Variants in EPHB1 observed in about 807,000 individuals in gnomAD.
EPHB1 encodes the protein ephrin type-B receptor 1.
In EPHB1, 30 loss-of-function variants were observed where a neutral mutation model predicts 94.4. The ratio of observed to expected loss-of-function variants is 0.32; its 90% CI spans 0.24 to 0.43. The LOEUF is 0.43. EPHB1 is among the 20% of genes least tolerant of loss of function. EPHB1 has a pLI of 1.00. For missense variants in EPHB1, 1,055 were observed against 1,308.3 expected, an observed-to-expected ratio of 0.81 and a Z score of 2.99; for synonymous variants, 522 against 489.1, an observed-to-expected ratio of 1.07 and a Z score of -0.89.
intron 3 of EPHB1, among the ~76,000 whole-genome samples, chr3:135,051,999 T>C (rs1937183429): frequency 6.6e-6 from 1 of 152,234 alleles, no homozygotes; most frequent in Non-Finnish European, 1.5e-5. Context: ...TCTACTTCTG[T>C]AGGTCAATTA....
At chr3:135,006,988 T>C (rs534076365) in intron 3 of EPHB1, among the ~76,000 whole-genome samples, 9 of 152,334 alleles carry the variant, frequency 5.9e-5, no homozygotes, top group African/African-American at 1.9e-4. Context: ...GCTATGTGAA[T>C]GGAGGTGAGA....
At chr3:135,198,574 T>C (rs60547088) in intron 11 of EPHB1, among the ~76,000 whole-genome samples, 3,647 of 152,172 alleles carry the variant, frequency 0.024, 161 homozygotes, top group African/African-American at 0.083. Context: ...CCAAGGACAA[T>C]GATCCCAGGA....
intron 1 of EPHB1, among the ~76,000 whole-genome samples, chr3:134,876,437 A>G (rs1406725092): frequency 2.0e-5 from 3 of 152,220 alleles, no homozygotes; most frequent in Non-Finnish European, 4.4e-5. Context: ...TGAAAAAAAT[A>G]CATACTTTCT....
chr3:135,068,510 ATTG>A (rs960147186), intron 3 of EPHB1, among the ~76,000 whole-genome samples: 6 of 151,032 alleles, frequency 4.0e-5, no homozygotes, highest in African/African-American at 7.3e-5. Context: ...TTGTTTTTTT[ATTG>A]TTGTTGTAAG....
chr3:135,030,994 C>T (rs577901293), intron 3 of EPHB1, among the ~76,000 whole-genome samples: 5 of 152,274 alleles, frequency 3.3e-5, no homozygotes, highest in African/African-American at 7.2e-5. Flanking sequence ...CTCCAGGTGC[C>T]GTCCATCACC....
At chr3:134,812,196 A>G (rs548240454) in intron 1 of EPHB1, among the ~76,000 whole-genome samples, 8 of 152,334 alleles carry the variant, frequency 5.3e-5, no homozygotes, top group East Asian at 1.9e-4. Context: ...GGTTTCACAA[A>G]TGAGTGTGGT....
chr3:134,857,196 A>C (rs898288076), intron 1 of EPHB1, among the ~76,000 whole-genome samples: 1 of 152,174 alleles, frequency 6.6e-6, no homozygotes, highest in African/African-American at 2.4e-5. Flanking sequence ...TGCTGACCCC[A>C]CAGCCAGCAT....
chr3:135,192,781 C>G lies in EPHB1; in HGVS notation c.2088C>G (p.Ile696Met), dbSNP rs778046911. The G allele has an allele frequency of 6.2e-7, 1 of 1,614,156 alleles. No homozygotes were observed. The highest frequency in any genetic ancestry group is 8.5e-7 in the Non-Finnish European group (1 of 1,180,014). Residue 696 changes from isoleucine (I) to methionine (M), a missense_variant, in exon 11 of 16, where the codon ATC becomes ATG. Physicochemically the swap from Ile to Met is conservative, Grantham distance 10 (BLOSUM62 1). Coordinates refer to ENST00000398015, the MANE Select transcript of EPHB1 (RefSeq NM_004441.5). ...CCAAGAGTCGGCCTGTCATGATCAT[C>G]ACAGAGTTCATGGAGAATGGTGCAT... Reference protein sequence around the residue: ...VVTKSRPVMIITEFMENGALD... With the variant: ...VVTKSRPVMIMTEFMENGALD...
chr3:135,034,317 C>T (rs1253005722), intron 3 of EPHB1, among the ~76,000 whole-genome samples: 1 of 152,106 alleles, frequency 6.6e-6, no homozygotes, highest in Non-Finnish European at 1.5e-5. Flanking sequence ...CTTCATGGTC[C>T]ACTGGAGATA....
chr3:134,882,527 A>T (rs2037753678), intron 1 of EPHB1, among the ~76,000 whole-genome samples: 1 of 152,236 alleles, frequency 6.6e-6, no homozygotes, highest in Admixed American at 6.5e-5. Context: ...AAAATTCCCA[A>T]TTATGAAGCA....
intron 4 of EPHB1, among the ~76,000 whole-genome samples, chr3:135,111,286 C>T (rs368193151): frequency 5.3e-5 from 8 of 152,338 alleles, no homozygotes; most frequent in Admixed American, 5.2e-4. Flanking sequence ...AACCCGGAGC[C>T]ACTGAATGAG....
chr3:135,248,137 A>G (rs1943972405), intron 13 of EPHB1, among the ~76,000 whole-genome samples, 179 bp from the exon 14 acceptor site: 1 of 152,210 alleles, frequency 6.6e-6, no homozygotes. Context: ...TAGGAGCCCA[A>G]TGTCTAGGGG....
At chr3:135,053,492 A>C (rs1254463160) in intron 3 of EPHB1, among the ~76,000 whole-genome samples, 1 of 152,190 alleles carries the variant, frequency 6.6e-6, no homozygotes, top group East Asian at 1.9e-4. Flanking sequence ...AAGGATCAGG[A>C]TGTAACAGTG....
chr3:135,232,420 C>G (rs937735058), intron 12 of EPHB1, among the ~76,000 whole-genome samples: 1 of 152,194 alleles, frequency 6.6e-6, no homozygotes, highest in African/African-American at 2.4e-5. Flanking sequence ...TGCACAGACC[C>G]TCACTCGCAA....
intron 3 of EPHB1, among the ~76,000 whole-genome samples, chr3:135,039,358 G>C (rs1167227669): frequency 6.6e-6 from 1 of 152,244 alleles, no homozygotes; most frequent in Non-Finnish European, 1.5e-5. Flanking sequence ...AGCCCAGCTG[G>C]CTTCACCTAG....
In EPHB1 at chr3:134,868,467, G is replaced by A. The variant is rs535342771; in HGVS notation, c.59-57349G>A. 7.9e-5 allele frequency among the ~76,000 whole-genome samples: 12 copies of A among 152,284 alleles called. No homozygotes were observed. In the South Asian group the frequency reaches 2.5e-3, roughly 32 times the overall value. On this transcript the variant is annotated intron_variant, in intron 1 of 15. Coordinates refer to ENST00000398015, the MANE Select transcript of EPHB1 (RefSeq NM_004441.5). Reference sequence around the variant, plus strand: ...GAGGATCTTATGTTCTTCCAAGAAGGAAAATTGATTTGGAAGGTAAAATGG... The same window carrying A: ...GAGGATCTTATGTTCTTCCAAGAAGAAAAATTGATTTGGAAGGTAAAATGG...
intron 1 of EPHB1, among the ~76,000 whole-genome samples, chr3:134,837,002 A>T (rs1578125933): frequency 6.6e-6 from 1 of 152,240 alleles, no homozygotes; most frequent in East Asian, 1.9e-4. Flanking sequence ...ATGACATTTT[A>T]AAATTATGCA....
chr3:134,865,086 G>T (rs544243126), intron 1 of EPHB1, among the ~76,000 whole-genome samples: 1 of 152,066 alleles, frequency 6.6e-6, no homozygotes, highest in Admixed American at 6.5e-5. Flanking sequence ...GTGTGTGTGT[G>T]CATGTGTGTG....
At position 135,192,681 on chromosome 3, in the gene EPHB1, G is replaced by A. The variant is rs749562219; in HGVS notation, c.1988G>A (p.Arg663Gln). The change falls in exon 11 of 16, where the codon CGG (arginine) becomes CAG (glutamine). Residue 663 changes from arginine to glutamine, a missense_variant. By Grantham distance (43) the Arg-to-Gln change is conservative (BLOSUM62 1). Coordinates refer to ENST00000398015, the MANE Select transcript of EPHB1 (RefSeq NM_004441.5). ...GCAGGGTACTCGGAGAAGCAGCGTC[G>A]GGACTTTCTGAGTGAGGCGAGCATC... ...LKAGYSEKQR[R>Q]DFLSEASIMG... 47 of 1,614,010 alleles carry A rather than the reference G, an allele frequency of 2.9e-5. No individual in the cohort carries two copies. Among genetic ancestry groups the A allele is most frequent in the Non-Finnish European group, 3.6e-5 (43 of 1,180,040 alleles).
Sources: gnomAD v4.1 joint callset for allele counts (sites outside exome capture counted in the v4.1 genomes callset) on GRCh38, gnomAD v4.1.1 for gene constraint, MANE v1.5 for transcripts, NCBI Gene and HGNC (gene_info 2026-07-23, HGNC 2026-07-21) for gene names.